The following SYN3 variants were observed in gnomAD, a reference collection of about 807,000 sequenced individuals.
SYN3 encodes synapsin-3.
SYN3 carries 35 observed loss-of-function variants against 65.8 expected under a neutral mutation model. That is an observed-to-expected ratio of 0.53 (90% CI 0.41 to 0.70). The LOEUF is 0.70. Among genes scored for constraint, SYN3 ranks in the 30% least tolerant of loss-of-function variants. SYN3 has a pLI of 0.00. For missense variants in SYN3, 680 were observed against 749.0 expected, an observed-to-expected ratio of 0.91 and a Z score of 1.08; for synonymous variants, 270 against 292.9, an observed-to-expected ratio of 0.92 and a Z score of 0.80.
intron 1 of SYN3, among the ~76,000 whole-genome samples, chr22:33,048,669 C>T (rs2054108828): frequency 6.6e-6 from 1 of 152,200 alleles, no homozygotes; most frequent in Admixed American, 6.5e-5. Context: ...CTTCCTGAGG[C>T]CTCACCAGAA....
At chr22:33,028,198 C>T (rs900933711) in intron 1 of SYN3, among the ~76,000 whole-genome samples, 4 of 152,210 alleles carry the variant, frequency 2.6e-5, no homozygotes, top group South Asian at 2.1e-4. Flanking sequence ...TGCCCTTTCC[C>T]CTCCAGCACA....
chr22:32,759,739 C>G (rs1327385295), intron 6 of SYN3, among the ~76,000 whole-genome samples: 2 of 113,544 alleles, frequency 1.8e-5, no homozygotes, highest in African/African-American at 3.3e-5. Flanking sequence ...CACCCACCCA[C>G]CCCCAGCCAG....
chr22:32,704,644 C>G (rs920197557), intron 6 of SYN3, among the ~76,000 whole-genome samples: 1 of 152,224 alleles, frequency 6.6e-6, no homozygotes, highest in Non-Finnish European at 1.5e-5. Flanking sequence ...AATCATCACA[C>G]TGCTTTCCAC....
rs370887180 is a variant in SYN3, at chr22:32,670,478, C to T, written c.712-73742G>A. On this transcript the variant is annotated intron_variant, in intron 6 of 13. Coordinates refer to ENST00000358763, the MANE Select transcript of SYN3 (RefSeq NM_003490.4). The stretch of plus-strand genomic sequence containing the variant: ...CAAGTTACAGCAAGACCAGAGATGA[C>T]GCTGGGTCTCTGAAAAGCTGGAAAG... 4.1e-3 allele frequency among the ~76,000 whole-genome samples: 622 copies of T among 152,298 alleles called. 2 individuals are homozygous for T. Among genetic ancestry groups the T allele is most frequent in the African/African-American group, 0.014 (574 of 41,560 alleles).
At chr22:32,993,291 G>T (rs2052777428) in intron 2 of SYN3, among the ~76,000 whole-genome samples, 1 of 152,210 alleles carries the variant, frequency 6.6e-6, no homozygotes, top group Middle Eastern at 3.4e-3. Flanking sequence ...TGACACTCAG[G>T]TCTCCCTATT....
chr22:32,792,462 T>G (rs897355999), intron 6 of SYN3, among the ~76,000 whole-genome samples: 1 of 152,212 alleles, frequency 6.6e-6, no homozygotes, highest in Non-Finnish European at 1.5e-5. Flanking sequence ...CAATCTCATG[T>G]TTGAAATTTC....
chr22:32,685,378 G>A (rs1292906486), intron 6 of SYN3, among the ~76,000 whole-genome samples: 2 of 152,206 alleles, frequency 1.3e-5, no homozygotes, highest in Non-Finnish European at 2.9e-5. Context: ...GAAAGCCTCA[G>A]AAATATAGTC....
chr22:33,001,883 T>G (rs1156236069), intron 2 of SYN3, among the ~76,000 whole-genome samples: 15 of 152,182 alleles, frequency 9.9e-5, no homozygotes, highest in Non-Finnish European at 1.5e-5. Flanking sequence ...ATACTGCCAT[T>G]TATTAAGTTC....
intron 6 of SYN3, among the ~76,000 whole-genome samples, chr22:32,723,610 C>A (rs2061149642): frequency 6.6e-6 from 1 of 152,248 alleles, no homozygotes; most frequent in African/African-American, 2.4e-5. Context: ...AGGAGATGAA[C>A]TTCCAAGCTC....
In SYN3 at chr22:32,938,778, A is replaced by T. The variant is rs551497278; in HGVS notation, c.370-7297T>A. Among the ~76,000 whole-genome samples the T allele has an allele frequency of 3.9e-5, 6 of 152,206 alleles. 1 individual carries two copies. In the East Asian group the frequency reaches 1.2e-3, roughly 30 times the overall value. On this transcript the variant is annotated intron_variant, in intron 3 of 13. Coordinates refer to ENST00000358763, the MANE Select transcript of SYN3 (RefSeq NM_003490.4). ...CTCGTCTCTACTAAAAAGACAAAAA[A>T]TCAACAAGGTGTGGTGGCACGCACC...
intron 1 of SYN3, among the ~76,000 whole-genome samples, chr22:33,021,103 C>T (rs865990587): frequency 3.9e-5 from 6 of 152,186 alleles, no homozygotes; most frequent in Middle Eastern, 3.4e-3. Flanking sequence ...TGGAAGGCAA[C>T]ACGGCAGGTG....
At chr22:32,859,578 G>T in intron 6 of SYN3, 1 of 651,594 alleles carries the variant, frequency 1.5e-6, no homozygotes, top group Non-Finnish European at 2.5e-6. Flanking sequence ...CCTTCTTTTT[G>T]GTTTTGACAT....
Position 33,046,452 on chromosome 22 carries a change from G to T in SYN3, c.-163+11840C>A, listed in dbSNP as rs143758926. ...AGAAACAACCTGGCTGTGTGCAGTGGCTCACACCTGTAATCCCAGCACTTT... is the reference window on the plus strand; with the variant it reads ...AGAAACAACCTGGCTGTGTGCAGTGTCTCACACCTGTAATCCCAGCACTTT... On this transcript the variant is annotated intron_variant, in intron 1 of 13. Transcript: ENST00000358763. 2.9e-3 allele frequency among the ~76,000 whole-genome samples: 449 copies of T among 152,286 alleles called. 1 individual carries two copies. The highest frequency in any genetic ancestry group is 0.011 in the African/African-American group (438 of 41,550).
chr22:32,624,142 G>A (rs1184644831), intron 6 of SYN3, among the ~76,000 whole-genome samples: 8 of 152,220 alleles, frequency 5.3e-5, no homozygotes, highest in Non-Finnish European at 1.2e-4. Context: ...TCTGAAACAT[G>A]GGGACAGTGA....
chr22:32,763,154 GTTT>G (rs869144291), intron 6 of SYN3, among the ~76,000 whole-genome samples: 3 of 69,226 alleles, frequency 4.3e-5, no homozygotes, highest in African/African-American at 1.4e-4. Flanking sequence ...TGTTGTTGTT[GTTT>G]TTTTTTTGAG....
intron 6 of SYN3, among the ~76,000 whole-genome samples, chr22:32,756,844 T>C (rs908810388): frequency 1.3e-5 from 2 of 152,196 alleles, no homozygotes; most frequent in African/African-American, 2.4e-5. Context: ...CTTTTCTTGG[T>C]AAATTATCCA....
At chr22:32,810,621 A>G (rs1472568081) in intron 6 of SYN3, among the ~76,000 whole-genome samples, 1 of 152,150 alleles carries the variant, frequency 6.6e-6, no homozygotes, top group Non-Finnish European at 1.5e-5. Context: ...CTACATGGTA[A>G]TTATCCCCTC....
intron 6 of SYN3, among the ~76,000 whole-genome samples, chr22:32,694,457 T>A (rs1479636917): frequency 6.6e-6 from 1 of 152,234 alleles, no homozygotes; most frequent in Non-Finnish European, 1.5e-5. Flanking sequence ...GCTTTTCTAT[T>A]CCTAAATTGA....
rs138167355 is a variant in SYN3, at chr22:32,856,108, C to T, written c.711+8807G>A. ...CCCTCCCAGGGCTCTTTTAAGGATA[C>T]TGCAAGGAGAATGTGAGTGAGAATG... On this transcript the variant is annotated intron_variant, in intron 6 of 13. Transcript: ENST00000358763. Among the ~76,000 whole-genome samples, 31 of 152,266 alleles carry T rather than the reference C, an allele frequency of 2.0e-4. 1 individual carries two copies. The East Asian group carries it at 5.8e-3, about 29-fold the overall frequency.
Sources: allele counts gnomAD v4.1 joint callset (sites outside exome capture counted in the v4.1 genomes callset), GRCh38; gene constraint gnomAD v4.1.1; transcripts MANE v1.5; gene names NCBI Gene and HGNC (gene_info 2026-07-23, HGNC 2026-07-21).